The following HEPN1 variants were observed in gnomAD, a reference collection of about 807,000 sequenced individuals.
HEPN1 encodes the protein protein HEPN1.
For synonymous variants in HEPN1, 46 were observed against 41.2 expected (o/e 1.12, Z -0.45); for missense variants, 97 against 103.3 (o/e 0.94, Z 0.26).
exon 1 of HEPN1, chr11:124,920,375 A>G (rs1335408413): frequency 4.5e-6 from 7 of 1,545,060 alleles, no homozygotes; most frequent in Admixed American, 4.0e-5. Flanking sequence ...TTATTCATGA[A>G]CAGAGACAGA....
At chr11:124,920,677 GCAAAAAAAAAAAAAAAAAA>G, downstream of HEPN1, 2 of 107,840 alleles carry the variant, frequency 1.9e-5, no homozygotes, top group Non-Finnish European at 2.4e-5. Flanking sequence ...ATCTGAACTT[GCAAAAAAAAAAAAAAAAAA>G]AAAAAAAAAA....
chr11:124,919,477 T>C (rs1947093865), exon 1 of HEPN1: 1 of 500,316 alleles, frequency 2.0e-6, no homozygotes, highest in Non-Finnish European at 3.6e-6. Context: ...CACCTGTGCA[T>C]CTCAAGGCTG....
exon 1 of HEPN1, chr11:124,920,185 C>G: frequency 1.1e-6 from 1 of 897,336 alleles, no homozygotes; most frequent in South Asian, 1.8e-5. Flanking sequence ...ATTCTCACAG[C>G]TGGAGGAAGC....
chr11:124,919,535 T>C, exon 1 of HEPN1: 2 of 588,284 alleles, frequency 3.4e-6, no homozygotes, highest in Non-Finnish European at 6.0e-6. Context: ...TCCACCTTCT[T>C]GAGAAACTTT....
In HEPN1 at chr11:124,919,541, A is replaced by C. The variant is rs1256811412; in HGVS notation, c.-210A>C. On this transcript the variant is annotated 5_prime_UTR_variant, in exon 1 of 1. Transcript: ENST00000408930. ...GCTGCCTCTTCCACCTTCTTGAGAAACTTTTCCCCTACATGCATTATCTCA... is the reference window on the plus strand; with the variant it reads ...GCTGCCTCTTCCACCTTCTTGAGAACCTTTTCCCCTACATGCATTATCTCA... 6.7e-6 allele frequency: 4 copies of C among 593,712 alleles called. No individual in the cohort carries two copies. The African/African-American group carries it at 7.4e-5, about 11-fold the overall frequency. The allele number at this position is 593,712 out of a possible 1,614,324, so 36.8% of individuals were successfully genotyped here.
chr11:124,920,032 C>G, exon 1 of HEPN1: 1 of 1,607,508 alleles, frequency 6.2e-7, no homozygotes, highest in Non-Finnish European at 8.5e-7. Flanking sequence ...GGAGTCTGCC[C>G]TTTTTCTGTG....
At chr11:124,919,641 G>A (rs1051582667) in exon 1 of HEPN1, 94 of 1,282,652 alleles carry the variant, frequency 7.3e-5, no homozygotes, top group Middle Eastern at 2.7e-4. Context: ...GGGAAGTGCC[G>A]AGGGACAGGG....
chr11:124,919,953 G>A (rs751374382), exon 1 of HEPN1: 1 of 1,613,850 alleles, frequency 6.2e-7, no homozygotes, highest in South Asian at 1.1e-5. Context: ...CTGTTCAATA[G>A]GCGGTGGCAT....
exon 1 of HEPN1, chr11:124,920,237 T>G (rs1947108672): frequency 2.2e-6 from 2 of 900,936 alleles, no homozygotes; most frequent in Non-Finnish European, 3.4e-6. Context: ...GAAAGGCTTG[T>G]TTTGTAAGGA....
At chr11:124,920,569 TC>T in exon 1 of HEPN1, 4 of 1,281,564 alleles carry the variant, frequency 3.1e-6, no homozygotes, top group Non-Finnish European at 3.0e-6. Context: ...TTCACAATGA[TC>T]CCCCCAGCTC....
Position 124,919,444 on chromosome 11 carries a change from T to A in HEPN1, c.-307T>A. Reference sequence around the variant, plus strand: ...AGGGATTCAGCACCAGGGTATGGCATGTTCTCATCTCACCCTAACCTTCAC... The same window carrying A: ...AGGGATTCAGCACCAGGGTATGGCAAGTTCTCATCTCACCCTAACCTTCAC... On this transcript the variant is annotated 5_prime_UTR_variant, in exon 1 of 1. An upstream start codon of the reference 5' UTR is lost. Transcript: ENST00000408930. 1 of 367,654 alleles carries A rather than the reference T, an allele frequency of 2.7e-6. No homozygotes were observed. Among genetic ancestry groups the A allele is most frequent in the Non-Finnish European group, 5.0e-6 (1 of 201,260 alleles). The allele number at this position is 367,654 out of a possible 1,614,324, so 22.8% of individuals were successfully genotyped here.
chr11:124,919,949 A>G (rs1425114730), exon 1 of HEPN1: 1 of 1,613,782 alleles, frequency 6.2e-7, no homozygotes, highest in Non-Finnish European at 8.5e-7. Context: ...TGAACTGTTC[A>G]ATAGGCGGTG....
At chr11:124,919,739 G>C in exon 1 of HEPN1, 1 of 1,612,752 alleles carries the variant, frequency 6.2e-7, no homozygotes, top group African/African-American at 1.3e-5. Flanking sequence ...AACTTGACCT[G>C]GTGTGGAGGT....
In HEPN1 at chr11:124,919,554, A is replaced by C. The variant is rs1379751623; in HGVS notation, c.-197A>C. 1 of 606,202 alleles carries C rather than the reference A, an allele frequency of 1.6e-6. No individual in the cohort carries two copies. Among genetic ancestry groups the C allele is most frequent in the East Asian group, 2.8e-5 (1 of 36,204 alleles). 37.6% of individuals were successfully genotyped at this position (606,202 alleles called of 1,614,324 possible). On this transcript the variant is annotated 5_prime_UTR_variant, in exon 1 of 1. An upstream start codon of the reference 5' UTR is lost. Transcript: ENST00000408930. ...CCTTCTTGAGAAACTTTTCCCCTAC[A>C]TGCATTATCTCATTATGGATGAGGC...
exon 1 of HEPN1, chr11:124,920,304 T>C: frequency 2.3e-6 from 3 of 1,279,526 alleles, no homozygotes; most frequent in Non-Finnish European, 3.2e-6. Flanking sequence ...TTGGTCTAGT[T>C]TTCGGGCCAG....
exon 1 of HEPN1, chr11:124,920,468 G>T: frequency 6.5e-7 from 1 of 1,541,144 alleles, no homozygotes; most frequent in South Asian, 1.2e-5. Flanking sequence ...GCCCTTGCTA[G>T]CGCCCAGGTC....
At chr11:124,920,102 T>G in exon 1 of HEPN1, 1 of 1,444,180 alleles carries the variant, frequency 6.9e-7, no homozygotes. Flanking sequence ...AGGGGTTGGA[T>G]CATGTTCCCC....
exon 1 of HEPN1, chr11:124,920,483 G>A (rs536898576): frequency 2.0e-6 from 3 of 1,532,134 alleles, no homozygotes; most frequent in South Asian, 1.2e-5. Flanking sequence ...CAGGTCAGAG[G>A]GAAAAGGAAT....
chr11:124,920,639 T>G, exon 1 of HEPN1: 4 of 1,004,194 alleles, frequency 4.0e-6, no homozygotes, highest in Non-Finnish European at 4.7e-6. Context: ...TTAGTGCAGC[T>G]GTGGATTCTG....
Sources: allele counts gnomAD v4.1 joint callset, GRCh38; gene constraint gnomAD v4.1.1; transcripts MANE v1.5; gene names NCBI Gene and HGNC (gene_info 2026-07-23, HGNC 2026-07-21).